Variants in ZNF536 observed in about 807,000 individuals in gnomAD.
ZNF536 encodes the protein zinc finger protein 536.
Under a neutral mutation model 84.5 loss-of-function variants are expected in ZNF536, and 13 were observed. That is an observed-to-expected ratio of 0.15 (90% CI 0.10 to 0.24). ZNF536 has a LOEUF of 0.24. Among genes scored for constraint, ZNF536 ranks in the 10% least tolerant of loss-of-function variants. The pLI is 1.00. For missense variants in ZNF536, 1,536 were observed against 1,747.5 expected (o/e 0.88, Z 2.16); for synonymous variants, 811 against 742.5 (o/e 1.09, Z -1.50).
intron 3 of ZNF536, among the ~76,000 whole-genome samples, chr19:30,542,128 C>A (rs984676115): frequency 6.6e-6 from 1 of 151,906 alleles, no homozygotes; most frequent in Non-Finnish European, 1.5e-5. Context: ...AATAAAAAAA[C>A]GAGAAGCATG....
intron 2 of ZNF536, among the ~76,000 whole-genome samples, chr19:30,514,050 G>C (rs573648918): frequency 2.0e-5 from 3 of 152,182 alleles, no homozygotes; most frequent in Admixed American, 6.5e-5. Context: ...GGCGAGCCAG[G>C]TCCTGTTTCT....
At chr19:30,234,451 G>A (rs941129375) in intron 1 of ZNF536, among the ~76,000 whole-genome samples, 2 of 143,172 alleles carry the variant, frequency 1.4e-5, no homozygotes, top group East Asian at 4.1e-4. Flanking sequence ...CCCCAGGCTG[G>A]AGTGCAGTGG....
intron 1 of ZNF536, among the ~76,000 whole-genome samples, chr19:30,667,120 C>T (rs889895714): frequency 2.6e-5 from 4 of 152,164 alleles, no homozygotes; most frequent in African/African-American, 7.2e-5. Flanking sequence ...AAACTAACCT[C>T]GTTAGCATCT....
chr19:30,286,450 G>C (rs2045629077), intron 2 of ZNF536, among the ~76,000 whole-genome samples: 1 of 152,014 alleles, frequency 6.6e-6, no homozygotes, highest in African/African-American at 2.4e-5. Flanking sequence ...CTTAGGGCTA[G>C]AGGGTGGGGG....
chr19:30,659,666 A>G (rs1188839167), intron 1 of ZNF536, among the ~76,000 whole-genome samples: 2 of 152,214 alleles, frequency 1.3e-5, no homozygotes. Flanking sequence ...TTATAAAACC[A>G]TCAGATCTTG....
intron 1 of ZNF536, among the ~76,000 whole-genome samples, chr19:30,643,661 G>T (rs1018229777): frequency 1.3e-5 from 2 of 152,118 alleles, no homozygotes; most frequent in East Asian, 1.9e-4. Context: ...TTTCTGCAGG[G>T]GGGGGTTTTG....
intron 1 of ZNF536, among the ~76,000 whole-genome samples, chr19:30,621,943 T>C (rs1382418412): frequency 6.6e-6 from 1 of 152,252 alleles, no homozygotes; most frequent in Non-Finnish European, 1.5e-5. Context: ...CCAGACAGCG[T>C]GCAGTGCCCT....
At chr19:30,537,892 G>A (rs750566392) in intron 3 of ZNF536, among the ~76,000 whole-genome samples, 4 of 152,156 alleles carry the variant, frequency 2.6e-5, no homozygotes, top group Admixed American at 6.5e-5. Flanking sequence ...AGCATTCGCC[G>A]TATGTAAAAG....
intron 1 of ZNF536, among the ~76,000 whole-genome samples, chr19:30,409,663 T>C (rs2050401093): frequency 6.6e-6 from 1 of 152,246 alleles, no homozygotes; most frequent in Non-Finnish European, 1.5e-5. Context: ...CCTTCAGGCA[T>C]GTTATGTCAA....
chr19:30,252,320 G>C (rs1314514591), intron 1 of ZNF536, among the ~76,000 whole-genome samples: 2 of 152,264 alleles, frequency 1.3e-5, no homozygotes, highest in East Asian at 3.9e-4. Flanking sequence ...TTCTCCATAG[G>C]GAATACTCCC....
chr19:30,680,671 G>A (rs2050933098), intron 1 of ZNF536, among the ~76,000 whole-genome samples: 1 of 152,048 alleles, frequency 6.6e-6, no homozygotes, highest in African/African-American at 2.4e-5. Flanking sequence ...ATTTGGGTTG[G>A]TTCCAAGTCT....
intron 1 of ZNF536, among the ~76,000 whole-genome samples, chr19:30,679,170 C>T (rs1243894810): frequency 6.6e-6 from 1 of 152,194 alleles, no homozygotes; most frequent in Admixed American, 6.5e-5. Context: ...CGGTTCAATA[C>T]AGGCTCAGGA....
chr19:30,415,574 A>G (rs1253919483), intron 1 of ZNF536, among the ~76,000 whole-genome samples: 1 of 140,144 alleles, frequency 7.1e-6, no homozygotes, highest in African/African-American at 2.6e-5. Flanking sequence ...AAAAATCATC[A>G]TGATCATCAT....
intron 1 of ZNF536, among the ~76,000 whole-genome samples, chr19:30,433,642 C>T (rs775642861): frequency 2.6e-5 from 4 of 152,188 alleles, no homozygotes; most frequent in Non-Finnish European, 5.9e-5. Flanking sequence ...GGATTACAGG[C>T]ATGTGCCACC....
chr19:30,512,842 G>A (rs1413085218), intron 2 of ZNF536, among the ~76,000 whole-genome samples: 1 of 152,132 alleles, frequency 6.6e-6, no homozygotes, highest in Non-Finnish European at 1.5e-5. Flanking sequence ...GCAAGCCTCA[G>A]CAGTGTAACT....
chr19:30,454,532 T>G (rs1289036071), intron 2 of ZNF536, among the ~76,000 whole-genome samples: 1 of 152,256 alleles, frequency 6.6e-6, no homozygotes, highest in East Asian at 1.9e-4. Flanking sequence ...ATTTTTAAAT[T>G]TGTTGCTAAA....
At chr19:30,395,242 T>G (rs905508794) in intron 1 of ZNF536, among the ~76,000 whole-genome samples, 3 of 152,190 alleles carry the variant, frequency 2.0e-5, no homozygotes, top group Non-Finnish European at 4.4e-5. Context: ...TAAAATCAGA[T>G]AGTCTACAAA....
intron 1 of ZNF536, among the ~76,000 whole-genome samples, chr19:30,653,287 G>C (rs1312255213): frequency 6.6e-6 from 1 of 152,154 alleles, no homozygotes; most frequent in African/African-American, 2.4e-5. Flanking sequence ...TGCTGATCCA[G>C]AGACCACACA....
intron 1 of ZNF536, among the ~76,000 whole-genome samples, chr19:30,655,294 A>C (rs1389012266): frequency 6.6e-6 from 1 of 152,218 alleles, no homozygotes; most frequent in Non-Finnish European, 1.5e-5. Context: ...TGCTCTCTTC[A>C]TCATCTTCTC....
Sources: allele counts gnomAD v4.1 joint callset (sites outside exome capture counted in the v4.1 genomes callset), GRCh38; gene constraint gnomAD v4.1.1; transcripts MANE v1.5; gene names NCBI Gene and HGNC (gene_info 2026-07-23, HGNC 2026-07-21).